The following KCTD1 variants were observed in gnomAD, a reference collection of about 807,000 sequenced individuals.
KCTD1 encodes the protein potassium channel tetramerization domain containing 1, also known as BTB/POZ domain-containing protein KCTD1.
KCTD1 carries 24 observed loss-of-function variants against 66.0 expected under a neutral mutation model. The ratio of observed to expected loss-of-function variants is 0.36; its 90% confidence interval spans 0.26 to 0.51. The LOEUF (loss-of-function observed/expected upper bound fraction) is 0.51, where lower values mean the gene tolerates loss of function less well. KCTD1 is among the 20% of genes least tolerant of loss of function. The pLI, the probability that KCTD1 is intolerant of heterozygous loss-of-function variation, is 0.95. For synonymous variants in KCTD1, 511 were observed against 517.2 expected (o/e 0.99, Z 0.16); for missense variants, 943 against 1,205.2 (o/e 0.78, Z 3.22).
chr18:26,467,825 AT>A (rs760377063), intron 3 of KCTD1, among the ~76,000 whole-genome samples: 3 of 152,138 alleles, frequency 2.0e-5, no homozygotes, highest in African/African-American at 4.8e-5. Flanking sequence ...AAAAAAACCA[AT>A]TTTTTTTAAA....
At chr18:26,550,185 G>A (rs763473820), upstream of KCTD1, among the ~76,000 whole-genome samples, 6 of 152,176 alleles carry the variant, frequency 3.9e-5, no homozygotes, top group Non-Finnish European at 5.9e-5. This position sits in a 1 kb window ranked among gnomAD's most constrained non-coding sequence, Gnocchi z 5.4. Flanking sequence ...CTCCTCGGGT[G>A]CGTCCTCGAA....
At chr18:26,535,746 A>G (rs980862473) in intron 1 of KCTD1, among the ~76,000 whole-genome samples, 1 of 152,124 alleles carries the variant, frequency 6.6e-6, no homozygotes, top group African/African-American at 2.4e-5. Flanking sequence ...ACAGCTTTAA[A>G]AGTACCAGTG....
At chr18:26,507,985 A>C (rs999324237) in intron 1 of KCTD1, among the ~76,000 whole-genome samples, 1 of 152,166 alleles carries the variant, frequency 6.6e-6, no homozygotes, top group Admixed American at 6.5e-5. Flanking sequence ...AAATAAGATA[A>C]ACTGAAAATA....
chr18:26,538,853 A>G (rs77463548), intron 1 of KCTD1, among the ~76,000 whole-genome samples: 1,615 of 152,216 alleles, frequency 0.011, 31 homozygotes, highest in African/African-American at 0.037. Context: ...CTTAACCACT[A>G]TGTGATATAG....
chr18:26,643,936 T>A (rs937813554), upstream of KCTD1, among the ~76,000 whole-genome samples: 2 of 151,734 alleles, frequency 1.3e-5, no homozygotes, highest in African/African-American at 4.8e-5. Flanking sequence ...CACTCCAGCC[T>A]GGGTGACAGA....
intron 1 of KCTD1, among the ~76,000 whole-genome samples, chr18:26,597,712 G>T (rs1003499780): frequency 6.8e-6 from 1 of 148,140 alleles, no homozygotes; most frequent in Non-Finnish European, 1.5e-5. Flanking sequence ...GGAGTGCAAT[G>T]GCACGCTCTC....
intron 3 of KCTD1, among the ~76,000 whole-genome samples, chr18:26,471,643 A>G (rs1316742523): frequency 2.0e-5 from 3 of 152,300 alleles, no homozygotes; most frequent in East Asian, 3.9e-4. Context: ...GGAACTGTTC[A>G]GAACCTTGAC....
chr18:26,651,801 AG>A (rs1438304072), intron 1 of KCTD1, among the ~76,000 whole-genome samples: 1,284 of 54,220 alleles, frequency 0.024, 15 homozygotes, highest in African/African-American at 0.047. Flanking sequence ...AAAAAAAAAA[AG>A]AAGAAGAAGA....
intron 1 of KCTD1, among the ~76,000 whole-genome samples, chr18:26,563,188 G>A (rs1985901644): frequency 1.3e-5 from 2 of 152,176 alleles, no homozygotes; most frequent in Admixed American, 1.3e-4. Flanking sequence ...AAACAAAGTA[G>A]AAGGTGAAAC....
upstream of KCTD1, among the ~76,000 whole-genome samples, chr18:26,640,786 A>C (rs1331364575): frequency 6.6e-6 from 1 of 152,088 alleles, no homozygotes; most frequent in African/African-American, 2.4e-5. Flanking sequence ...AGGCAGAAAA[A>C]CAGAATGGAG....
chr18:26,464,971 A>G (rs1340360892), intron 3 of KCTD1, among the ~76,000 whole-genome samples: 1 of 152,214 alleles, frequency 6.6e-6, no homozygotes, highest in Non-Finnish European at 1.5e-5. Context: ...TTGGTTTTAA[A>G]GATTTTGTTT....
At chr18:26,514,351 G>A (rs923571490) in intron 1 of KCTD1, among the ~76,000 whole-genome samples, 9 of 151,992 alleles carry the variant, frequency 5.9e-5, no homozygotes, top group Middle Eastern at 3.2e-3. Context: ...CCAGGAGTTC[G>A]AGACCAGCCT....
At chr18:26,498,186 C>T (rs1477084050) in intron 2 of KCTD1, among the ~76,000 whole-genome samples, 4 of 152,120 alleles carry the variant, frequency 2.6e-5, no homozygotes, top group Non-Finnish European at 4.4e-5. Context: ...CATTTGCCAG[C>T]ATCCAATCCG....
At chr18:26,596,564 T>G (rs1986771078) in intron 1 of KCTD1, among the ~76,000 whole-genome samples, 1 of 152,248 alleles carries the variant, frequency 6.6e-6, no homozygotes, top group Non-Finnish European at 1.5e-5. Flanking sequence ...AGTTTGGTGG[T>G]TAAACAACTG....
chr18:26,506,680 T>C (rs984775707), intron 1 of KCTD1, among the ~76,000 whole-genome samples: 3 of 152,132 alleles, frequency 2.0e-5, no homozygotes, highest in Admixed American at 1.3e-4. Flanking sequence ...ATAACATCCT[T>C]GTGTCTGGAG....
At chr18:26,558,505 C>CTA (rs1198261335) in intron 1 of KCTD1, among the ~76,000 whole-genome samples, 58 of 152,268 alleles carry the variant, frequency 3.8e-4, no homozygotes, top group Non-Finnish European at 6.6e-4. Flanking sequence ...ATCTGTACTC[C>CTA]CATGTTTGTT....
At position 26,649,380 on chromosome 18, in the gene KCTD1, G is replaced by C. The variant is rs552905927; in HGVS notation, c.9+7980C>G. ...GTAAGTGGATTGCACCAGATAACAA[G>C]GTCTGCTTTCTTTCTCCTCCCTGCC... is the stretch of plus-strand genomic sequence containing the variant. On this transcript the variant is annotated intron_variant, in intron 1 of 4. Transcript: ENST00000580191. 7.2e-5 allele frequency among the ~76,000 whole-genome samples: 11 copies of C among 152,272 alleles called. No individual in the cohort carries two copies. The South Asian group carries it at 2.1e-3, about 29-fold the overall frequency.
chr18:26,559,258 G>C (rs1273457782), intron 1 of KCTD1, among the ~76,000 whole-genome samples: 1 of 152,212 alleles, frequency 6.6e-6, no homozygotes, highest in Non-Finnish European at 1.5e-5. Flanking sequence ...GAGTATAATT[G>C]GATTGTTTGT....
At position 26,547,777 on chromosome 18, in the gene KCTD1, G is replaced by C; in HGVS notation, c.760C>G (p.Pro254Ala). 2.6e-6 allele frequency: 4 copies of C among 1,542,248 alleles called. No homozygotes were observed. The highest frequency in any genetic ancestry group is 3.5e-6 in the Non-Finnish European group (4 of 1,146,806). ...YCRTLDLTKD[P>A]ELRSANLTLA... ...GTCAGGTTGGCGCTGCGCAGCTCGG[G>C]GTCCTTGGTGAGGTCGAGCGTGCGG... Residue 254 changes from proline (P) to alanine (A), a missense_variant, in exon 1 of 5, where the codon CCC becomes GCC. Physicochemically the swap from Pro to Ala is conservative, Grantham distance 27. Around this residue, in one of 10 missense-constraint regions of KCTD1, gnomAD observed 61 missense variants for 109.6 expected, o/e 0.56. Coordinates refer to ENST00000580059, the MANE Select transcript of KCTD1 (RefSeq NM_001142730.3).
Sources: gnomAD v4.1 joint callset for allele counts (sites outside exome capture counted in the v4.1 genomes callset) on GRCh38, gnomAD v4.1.1 for gene constraint, gnomAD v4.1.1 regional missense constraint, Gnocchi (gnomAD v3.1) non-coding constraint, MANE v1.5 for transcripts, NCBI Gene and HGNC (gene_info 2026-07-23, HGNC 2026-07-21) for gene names.